RBFOX1: variants seen among roughly 807,000 people sequenced by gnomAD.
RBFOX1 encodes RNA binding protein fox-1 homolog 1.
RBFOX1 carries 8 observed loss-of-function variants against 57.7 expected under a neutral mutation model. The observed-to-expected ratio is 0.14, with a 90% CI of 0.08 to 0.25. RBFOX1 has a LOEUF of 0.25. RBFOX1 is among the 10% of genes least tolerant of loss of function. The pLI is 1.00. For missense variants in RBFOX1, 611 were observed against 548.5 expected, an observed-to-expected ratio of 1.11 and a Z score of -1.14; for synonymous variants, 326 against 222.4, an observed-to-expected ratio of 1.47 and a Z score of -4.15.
At chr16:7,046,482 T>G (rs12922522) in intron 3 of RBFOX1, among the ~76,000 whole-genome samples, 3 of 151,962 alleles carry the variant, frequency 2.0e-5, no homozygotes, top group Admixed American at 2.0e-4. Context: ...CATTAAAATA[T>G]CAAGTTCAAT....
intron 1 of RBFOX1, among the ~76,000 whole-genome samples, chr16:6,291,869 T>C (rs755181152): frequency 2.6e-5 from 4 of 152,188 alleles, no homozygotes; most frequent in African/African-American, 4.8e-5. Context: ...TCTAAGATGA[T>C]TGAGACTTGC....
chr16:5,563,961 C>T lies in RBFOX1; in HGVS notation c.259-34941C>T, dbSNP rs150523761. ...ATGACCTAGATGTGGTTAGGAACCA[C>T]GTCATTTTTATCTACTGCTCCAAGT... On this transcript the variant is annotated intron_variant, in intron 2 of 2. Coordinates refer to the RBFOX1 transcript ENST00000585867. Among the ~76,000 whole-genome samples, 67 of 152,196 alleles carry T rather than the reference C, an allele frequency of 4.4e-4. 1 individual carries two copies. In the East Asian group the frequency reaches 0.011, roughly 25 times the overall value.
At chr16:7,209,168 A>C (rs2090612052) in intron 4 of RBFOX1, among the ~76,000 whole-genome samples, 1 of 148,544 alleles carries the variant, frequency 6.7e-6, no homozygotes, top group African/African-American at 2.5e-5. Flanking sequence ...AATAATAATA[A>C]TAATAATAAT....
chr16:6,154,378 G>A (rs780444769), intron 1 of RBFOX1, among the ~76,000 whole-genome samples: 9 of 152,232 alleles, frequency 5.9e-5, no homozygotes, highest in Non-Finnish European at 1.0e-4. Flanking sequence ...GATAATTCTA[G>A]ATCAGGGTAT....
chr16:5,569,057 GGTCAGGTTGGT>G (rs2046175999), intron 2 of RBFOX1, among the ~76,000 whole-genome samples: 1 of 146,600 alleles, frequency 6.8e-6, no homozygotes, highest in East Asian at 2.0e-4. Context: ...TCATCATATT[GGTCAGGTTGGT>G]CTCGAACTCC....
At position 5,453,296 on chromosome 16, in the gene RBFOX1, A is replaced by T. The variant is rs141725758; in HGVS notation, c.220-13920A>T. 2.3e-3 allele frequency among the ~76,000 whole-genome samples: 350 copies of T among 152,296 alleles called. 1 individual carries two copies. Among genetic ancestry groups the T allele is most frequent in the African/African-American group, 8.2e-3 (340 of 41,552 alleles). ...TTAATATACAGACAACCAATAACTA[A>T]GTGTGAAGGGTTCCAGGAAGAAAAT... On this transcript the variant is annotated intron_variant, in intron 1 of 2. Coordinates refer to the RBFOX1 transcript ENST00000585867.
At chr16:7,193,617 T>G (rs7206676) in intron 4 of RBFOX1, among the ~76,000 whole-genome samples, 28,828 of 152,094 alleles carry the variant, frequency 0.19, 2,975 homozygotes, top group East Asian at 0.38. Flanking sequence ...AGGTACTACA[T>G]TGTGTATTCT....
chr16:6,654,522 A>C (rs906065360), intron 2 of RBFOX1, 81 bp from the exon 3 acceptor site: 1 of 1,141,170 alleles, frequency 8.8e-7, no homozygotes, highest in Non-Finnish European at 1.2e-6. Flanking sequence ...GGGCATTTCA[A>C]CAACACCACT....
chr16:5,772,209 A>G (rs1003830305), intron 3 of RBFOX1, among the ~76,000 whole-genome samples: 17 of 152,332 alleles, frequency 1.1e-4, no homozygotes, highest in South Asian at 6.2e-4. Flanking sequence ...TAGAATAACA[A>G]TAGTGAATTT....
chr16:7,538,364 G>GT (rs1385253845), intron 5 of RBFOX1, among the ~76,000 whole-genome samples: 13 of 152,026 alleles, frequency 8.6e-5, no homozygotes, highest in African/African-American at 3.1e-4. Flanking sequence ...TTTTCCTATG[G>GT]TGTCCACTGT....
At chr16:6,792,695 ATTCTAAAGAATTCAAAATAGATTGTTCT>A (rs1489110451) in intron 3 of RBFOX1, among the ~76,000 whole-genome samples, 1 of 152,204 alleles carries the variant, frequency 6.6e-6, no homozygotes, top group Non-Finnish European at 1.5e-5. Context: ...TGTATCTGAC[ATTCTAAAGAATTCAAAATAGATTGTTCT>A]TGAAGGGGAT....
intron 3 of RBFOX1, among the ~76,000 whole-genome samples, chr16:7,001,081 A>T (rs1180953222): frequency 6.6e-6 from 1 of 152,160 alleles, no homozygotes; most frequent in Non-Finnish European, 1.5e-5. Context: ...GCTTACCCCA[A>T]GGTAGAGTTC....
chr16:6,935,773 C>A (rs951478974), intron 3 of RBFOX1, among the ~76,000 whole-genome samples: 1 of 152,084 alleles, frequency 6.6e-6, no homozygotes, highest in African/African-American at 2.4e-5. Flanking sequence ...TTTGTAGAGG[C>A]GAGGTGGACT....
chr16:5,998,274 T>C (rs2060524569), intron 4 of RBFOX1, among the ~76,000 whole-genome samples: 1 of 152,238 alleles, frequency 6.6e-6, no homozygotes, highest in Non-Finnish European at 1.5e-5. Flanking sequence ...TTTGATAGTC[T>C]CTGATATTCT....
intron 1 of RBFOX1, among the ~76,000 whole-genome samples, chr16:5,276,742 G>T (rs1390040970): frequency 6.6e-6 from 1 of 152,132 alleles, no homozygotes. Context: ...ATATACTCCA[G>T]CCTGTGTGAC....
chr16:6,577,194 A>C (rs920651306), intron 2 of RBFOX1: 17 of 151,680 alleles, frequency 1.1e-4, no homozygotes, highest in African/African-American at 3.9e-4. Flanking sequence ...GAAGCTCCCC[A>C]CTCTTCCCTG....
At chr16:5,684,152 C>G (rs1385792417) in intron 3 of RBFOX1, among the ~76,000 whole-genome samples, 1 of 152,162 alleles carries the variant, frequency 6.6e-6, no homozygotes, top group East Asian at 1.9e-4. Flanking sequence ...CTAAGGCCAT[C>G]TCATCCTATA....
At chr16:7,203,760 C>G (rs958622076) in intron 4 of RBFOX1, among the ~76,000 whole-genome samples, 1 of 152,126 alleles carries the variant, frequency 6.6e-6, no homozygotes, top group Non-Finnish European at 1.5e-5. Context: ...GTGACTCTTT[C>G]TCGAAATCTC....
At chr16:7,444,385 GC>G (rs2098792783) in intron 4 of RBFOX1, among the ~76,000 whole-genome samples, 1 of 152,120 alleles carries the variant, frequency 6.6e-6, no homozygotes, top group Non-Finnish European at 1.5e-5. Flanking sequence ...TAGAGATGGG[GC>G]TTCAATGAGG....
Sources: allele counts gnomAD v4.1 joint callset (sites outside exome capture counted in the v4.1 genomes callset), GRCh38; gene constraint gnomAD v4.1.1; transcripts MANE v1.5; gene names NCBI Gene and HGNC (gene_info 2026-07-23, HGNC 2026-07-21).